SPATS2L: variants seen among roughly 807,000 people sequenced by gnomAD.
SPATS2L encodes SPATS2-like protein.
In SPATS2L, 30 loss-of-function variants were observed where a neutral mutation model predicts 59.6. The observed-to-expected ratio is 0.50, with a 90% CI of 0.38 to 0.68. SPATS2L has a LOEUF of 0.68. Among genes scored for constraint, SPATS2L ranks in the 30% least tolerant of loss-of-function variants. SPATS2L has a pLI of 0.00. For synonymous variants in SPATS2L, 252 were observed against 263.5 expected, an observed-to-expected ratio of 0.96 and a Z score of 0.42; for missense variants, 615 against 700.0, an observed-to-expected ratio of 0.88 and a Z score of 1.37.
chr2:200,379,909 C>T (rs987730952), intron 2 of SPATS2L, among the ~76,000 whole-genome samples: 1 of 152,130 alleles, frequency 6.6e-6, no homozygotes, highest in Non-Finnish European at 1.5e-5. Context: ...GTTGCTGATA[C>T]AAGTGGGTAC....
At chr2:200,339,003 A>G (rs2080234506) in intron 2 of SPATS2L, among the ~76,000 whole-genome samples, 1 of 152,248 alleles carries the variant, frequency 6.6e-6, no homozygotes, top group Non-Finnish European at 1.5e-5. Flanking sequence ...AGAAAACTTA[A>G]TAAAGATTTG....
In SPATS2L at chr2:200,389,221, A is replaced by G. The variant is rs756658770; in HGVS notation, c.-22-2A>G. ...ACTTAATCTTGTTTTCCTTCTTTATAGGGCCTATTCCACTAGAAGCAAGAT... is the reference window on the plus strand; with the variant it reads ...ACTTAATCTTGTTTTCCTTCTTTATGGGGCCTATTCCACTAGAAGCAAGAT... On this transcript the variant is annotated splice_acceptor_variant, in intron 2 of 12. Coordinates refer to ENST00000409140, the MANE Select transcript of SPATS2L (RefSeq NM_001100423.2). LOFTEE classifies it low-confidence loss of function (5UTR_SPLICE). 3 of 1,556,310 alleles carry G rather than the reference A, an allele frequency of 1.9e-6. No homozygotes were observed. The highest frequency in any genetic ancestry group is 2.6e-6 in the Non-Finnish European group (3 of 1,143,400).
At chr2:200,468,347 T>TACACACACACACACAC (rs141831238) in intron 10 of SPATS2L, among the ~76,000 whole-genome samples, 5,748 of 110,090 alleles carry the variant, frequency 0.052, 354 homozygotes, top group South Asian at 0.067. Flanking sequence ...CCCAGTATAC[T>TACACACACACACACAC]ACACACACAC....
intron 9 of SPATS2L, among the ~76,000 whole-genome samples, chr2:200,466,154 T>C (rs1574697141): frequency 6.6e-6 from 1 of 152,270 alleles, no homozygotes; most frequent in East Asian, 1.9e-4. Context: ...TCTTTTGATA[T>C]TTTGAGTAAT....
Position 200,364,665 on chromosome 2 carries a change from C to G in SPATS2L, c.-22-24558C>G, listed in dbSNP as rs561656904. Among the ~76,000 whole-genome samples, 24 of 152,298 alleles carry G rather than the reference C, an allele frequency of 1.6e-4. 1 individual carries two copies. The highest frequency in any genetic ancestry group is 6.8e-3 in the Middle Eastern group (2 of 294). On this transcript the variant is annotated intron_variant, in intron 2 of 12. Coordinates refer to ENST00000409140, the MANE Select transcript of SPATS2L (RefSeq NM_001100423.2). ...TTATTCTAGTGCCATCCAGATACCA[C>G]CCACTCATAGGTCCTTCCCCAAAGC... is the stretch of plus-strand genomic sequence containing the variant.
chr2:200,456,956 C>T (rs530350247), intron 8 of SPATS2L, among the ~76,000 whole-genome samples: 1 of 152,202 alleles, frequency 6.6e-6, no homozygotes, highest in East Asian at 1.9e-4. Flanking sequence ...CTGGCAGGTC[C>T]TCTCACATCC....
intron 6 of SPATS2L, among the ~76,000 whole-genome samples, chr2:200,435,125 G>A (rs1295789237): frequency 1.3e-5 from 2 of 152,140 alleles, no homozygotes; most frequent in African/African-American, 4.8e-5. Flanking sequence ...ATTAAGGTCA[G>A]TCTATTTCTC....
At chr2:200,323,783 G>A (rs544943800) in intron 1 of SPATS2L, among the ~76,000 whole-genome samples, 1 of 152,336 alleles carries the variant, frequency 6.6e-6, no homozygotes, top group South Asian at 2.1e-4. Context: ...GGTATTTGAT[G>A]TGTATTTTAC....
chr2:200,477,936 G>A lies in SPATS2L; in HGVS notation c.1582G>A (p.Gly528Ser), dbSNP rs1461640049. The A allele has an allele frequency of 1.9e-5, 30 of 1,611,794 alleles. No homozygotes were observed. The highest frequency in any genetic ancestry group is 2.2e-5 in the East Asian group (1 of 44,880). ...GGCCAGGCCCTTCCGGGGTAGTGTC[G>A]GTAGGGTTTCACAGTGCAATCTCTG... Reference protein sequence around the residue: ...SEARPFRGSVGRVSQCNLCPT... With the variant: ...SEARPFRGSVSRVSQCNLCPT... Residue 528 changes from glycine to serine, a missense_variant, in exon 13 of 13, where the codon GGT becomes AGT. By Grantham distance (56) the Gly-to-Ser change is moderately conservative. Transcript: ENST00000409140.
chr2:200,307,240 C>T (rs1390561510), intron 1 of SPATS2L, among the ~76,000 whole-genome samples: 2 of 151,706 alleles, frequency 1.3e-5, no homozygotes, highest in Admixed American at 6.6e-5. Flanking sequence ...CGACGTGTAC[C>T]CGCCCGCCCC....
intron 6 of SPATS2L, among the ~76,000 whole-genome samples, chr2:200,427,475 GCATATA>G (rs1245242941): frequency 1.3e-5 from 2 of 148,374 alleles, no homozygotes; most frequent in Admixed American, 6.8e-5. Context: ...TATATAACAT[GCATATA>G]CATATATAAA....
At position 200,384,336 on chromosome 2, in the gene SPATS2L, TTTTATTTA is replaced by T. The variant is rs10592541; in HGVS notation, c.-22-4859_-22-4852del. ...GGTAACCATATTTGTGGTTCATAAATTTTATTTATTTATTTATTTATTTATTTATTTAT... is the reference window on the plus strand; with the variant it reads ...GGTAACCATATTTGTGGTTCATAAATTTTATTTATTTATTTATTTATTTAT... On this transcript the variant is annotated intron_variant, in intron 2 of 12. Transcript: ENST00000409140. Among the ~76,000 whole-genome samples the T allele has an allele frequency of 3.7e-4, 55 of 148,160 alleles. No individual in the cohort carries two copies. In the South Asian group the frequency reaches 4.9e-3, roughly 13 times the overall value.
In SPATS2L at chr2:200,433,573, A is replaced by G. The variant is rs148004424; in HGVS notation, c.446-5549A>G. ...CATTAGCCAAAAAGAAAATTTCACA[A>G]GAGATATGAGAAAAATTTTGAACTG... is the stretch of plus-strand genomic sequence containing the variant. On this transcript the variant is annotated intron_variant, in intron 6 of 12. Transcript: ENST00000409140. Among the ~76,000 whole-genome samples, 1,016 of 152,218 alleles carry G rather than the reference A, an allele frequency of 6.7e-3. 12 individuals are homozygous for G. Among genetic ancestry groups the G allele is most frequent in the African/African-American group, 0.022 (932 of 41,576 alleles).
At chr2:200,412,939 C>T (rs2082932493) in intron 4 of SPATS2L, among the ~76,000 whole-genome samples, 1 of 152,102 alleles carries the variant, frequency 6.6e-6, no homozygotes, top group African/African-American at 2.4e-5. Flanking sequence ...CGCCTGTAGT[C>T]CCAGCTTCTT....
At position 200,478,077 on chromosome 2, in the gene SPATS2L, C is replaced by G. The variant is rs1189907936; in HGVS notation, c.*46C>G. The G allele has an allele frequency of 6.6e-7, 1 of 1,503,776 alleles. No homozygotes were observed. Among genetic ancestry groups the G allele is most frequent in the African/African-American group, 1.4e-5 (1 of 71,542 alleles). 93.2% of individuals were successfully genotyped at this position (1,503,776 alleles called of 1,614,324 possible). A position where few individuals can be genotyped will look rare whatever the true frequency, so the allele number is the denominator to read the frequency against. On this transcript the variant is annotated 3_prime_UTR_variant, in exon 13 of 13. Coordinates refer to ENST00000409140, the MANE Select transcript of SPATS2L (RefSeq NM_001100423.2). ...TTTTCACTCAGTTTTGGTTCCCTGCCCGAGGTGCTGACCCAATTCGCTGCC... is the reference window on the plus strand; with the variant it reads ...TTTTCACTCAGTTTTGGTTCCCTGCGCGAGGTGCTGACCCAATTCGCTGCC...
intron 5 of SPATS2L, 101 bp from the exon 6 acceptor site, chr2:200,419,149 G>A (rs1176672710): frequency 8.1e-7 from 1 of 1,239,762 alleles, no homozygotes; most frequent in African/African-American, 1.5e-5. Flanking sequence ...GAAGAGCCAG[G>A]AACCAAAAAA....
chr2:200,377,262 C>A (rs1004607509), intron 2 of SPATS2L, among the ~76,000 whole-genome samples: 4 of 152,200 alleles, frequency 2.6e-5, no homozygotes, highest in African/African-American at 9.7e-5. Flanking sequence ...GGGATTCAAT[C>A]TTGGTGAATC....
chr2:200,375,658 C>T lies in SPATS2L; in HGVS notation c.-22-13565C>T, dbSNP rs567718658. On this transcript the variant is annotated intron_variant, in intron 2 of 12. Transcript: ENST00000409140. The stretch of plus-strand genomic sequence containing the variant: ...TTCTGTTTTTTGAGATAGGGTCTTA[C>T]TCTGTCATCCAGGCTGGAGTGCCAG... Among the ~76,000 whole-genome samples the T allele has an allele frequency of 7.2e-5, 11 of 152,246 alleles. No individual in the cohort carries two copies. The South Asian group carries it at 1.9e-3, about 26-fold the overall frequency.
rs569678822 is a variant in SPATS2L, at chr2:200,445,128, CA to C, written c.788+4345del. Among the ~76,000 whole-genome samples the C allele has an allele frequency of 1.3e-4, 19 of 151,878 alleles. No homozygotes were observed. The East Asian group carries it at 3.3e-3, about 26-fold the overall frequency. On this transcript the variant is annotated intron_variant, in intron 8 of 12. Transcript: ENST00000409140. The stretch of plus-strand genomic sequence containing the variant: ...GAGTTTGAAACCAATCTGGGCAACA[CA>C]GCGAGACCTTGTCTCTACAAAAAGA...
Sources: allele counts gnomAD v4.1 joint callset (sites outside exome capture counted in the v4.1 genomes callset), GRCh38; gene constraint gnomAD v4.1.1; transcripts MANE v1.5; gene names NCBI Gene and HGNC (gene_info 2026-07-23, HGNC 2026-07-21).